MAGI2: variants seen among roughly 807,000 people sequenced by gnomAD.
The protein encoded by MAGI2 is membrane associated guanylate kinase, WW and PDZ domain containing 2.
A neutral mutation model predicts 133.3 loss-of-function variants in MAGI2; 35 were observed. The observed-to-expected ratio is 0.26, with a 90% confidence interval of 0.20 to 0.35. MAGI2 has a LOEUF of 0.35. MAGI2 is among the 10% of genes least tolerant of loss of function. MAGI2 has a pLI of 1.00. For missense variants in MAGI2, 1,636 were observed against 1,863.4 expected, an observed-to-expected ratio of 0.88 and a Z score of 2.25; for synonymous variants, 729 against 710.6, an observed-to-expected ratio of 1.03 and a Z score of -0.41.
At chr7:78,812,284 T>G (rs899558020) in intron 2 of MAGI2, among the ~76,000 whole-genome samples, 1 of 152,160 alleles carries the variant, frequency 6.6e-6, no homozygotes, top group African/African-American at 2.4e-5. Context: ...AGTAAAAAAC[T>G]AATACAGGTT....
chr7:78,670,836 C>G (rs1814290721), intron 2 of MAGI2, among the ~76,000 whole-genome samples: 1 of 152,076 alleles, frequency 6.6e-6, no homozygotes, highest in Non-Finnish European at 1.5e-5. Flanking sequence ...TAAGACTCAA[C>G]AAAAGCAGTA....
chr7:78,101,976 G>A (rs76207837), intron 20 of MAGI2, among the ~76,000 whole-genome samples: 1,596 of 152,218 alleles, frequency 0.01, 29 homozygotes, highest in African/African-American at 0.037. Flanking sequence ...ACATCAACAG[G>A]TGAATTTTTT....
At chr7:79,116,637 T>G (rs1819434584) in intron 1 of MAGI2, among the ~76,000 whole-genome samples, 1 of 152,156 alleles carries the variant, frequency 6.6e-6, no homozygotes, top group Non-Finnish European at 1.5e-5. Context: ...TGTTGAAAGA[T>G]GACTGCCAAT....
chr7:78,351,662 C>G (rs1355688485), intron 7 of MAGI2: 1 of 152,124 alleles, frequency 6.6e-6, no homozygotes, highest in Non-Finnish European at 1.5e-5. Context: ...CTGTTACCAA[C>G]TCCCATCTGA....
At chr7:78,325,254 A>G (rs1323341951) in intron 9 of MAGI2, among the ~76,000 whole-genome samples, 4 of 152,190 alleles carry the variant, frequency 2.6e-5, no homozygotes, top group Admixed American at 2.6e-4. Context: ...CAAAAAGGGA[A>G]TCATAAAACA....
At chr7:79,279,356 C>T (rs914942526) in intron 1 of MAGI2, among the ~76,000 whole-genome samples, 2 of 152,116 alleles carry the variant, frequency 1.3e-5, no homozygotes, top group Non-Finnish European at 2.9e-5. Context: ...GATTTTTATC[C>T]ATCACCCAAA....
At chr7:78,095,252 A>C (rs1817590049) in intron 20 of MAGI2, among the ~76,000 whole-genome samples, 1 of 152,130 alleles carries the variant, frequency 6.6e-6, no homozygotes, top group South Asian at 2.1e-4. Context: ...GAAGATAGTA[A>C]ATCTTTTTTG....
intron 2 of MAGI2, among the ~76,000 whole-genome samples, chr7:78,666,421 G>T (rs1813593774): frequency 6.6e-6 from 1 of 152,126 alleles, no homozygotes; most frequent in East Asian, 1.9e-4. Flanking sequence ...TTGTTTGGGG[G>T]TTTTTCTATT....
At position 78,019,406 on chromosome 7, in the gene MAGI2, T is replaced by G. The variant is rs1584845763; in HGVS notation, c.4277A>C (p.Lys1426Thr). 1 of 1,167,708 alleles carries G rather than the reference T, an allele frequency of 8.6e-7. No individual in the cohort carries two copies. 72.3% of individuals were successfully genotyped at this position (1,167,708 alleles called of 1,614,324 possible). A position where few individuals can be genotyped will look rare whatever the true frequency, so the allele number is the denominator to read the frequency against. ...CCAGGGCCCCGGCGCGACGGCGGCC[T>G]TGCGCGCCGGGGCGCCCCCCGGGGG... ...PRPPGGAPARKAAVAPGPWKV... is the reference protein window; with the variant it reads ...PRPPGGAPARTAAVAPGPWKV... Residue 1426 changes from lysine to threonine, a missense_variant, in exon 22 of 22, where the codon AAG (lysine) becomes ACG (threonine). Transcript: ENST00000354212.
chr7:79,248,017 T>TATTAATA lies in MAGI2; in HGVS notation c.301+204996_301+205002dup, dbSNP rs765517720. Among the ~76,000 whole-genome samples, 197 of 152,232 alleles carry TATTAATA rather than the reference T, an allele frequency of 1.3e-3. 1 individual carries two copies. Among genetic ancestry groups the TATTAATA allele is most frequent in the Non-Finnish European group, 1.5e-4 (10 of 68,004 alleles). The stretch of plus-strand genomic sequence containing the variant: ...AAAATGGCAGGAGTAAGTTCATACT[T>TATTAATA]ATTAATAATAACATTGAATGTAAAT... On this transcript the variant is annotated intron_variant, in intron 1 of 21. Coordinates refer to ENST00000354212, the MANE Select transcript of MAGI2 (RefSeq NM_012301.4).
intron 9 of MAGI2, among the ~76,000 whole-genome samples, chr7:78,288,785 A>G: frequency 6.6e-6 from 1 of 152,220 alleles, no homozygotes; most frequent in East Asian, 1.9e-4. Context: ...AACATCTGCC[A>G]TTCTGCAATA....
intron 1 of MAGI2, among the ~76,000 whole-genome samples, chr7:79,158,241 A>G (rs753839213): frequency 2.6e-5 from 4 of 152,070 alleles, no homozygotes; most frequent in Non-Finnish European, 5.9e-5. Flanking sequence ...ATGTACTTCT[A>G]TCAGCATGCC....
chr7:79,334,354 AGGTTGAG>A (rs1418969518), intron 1 of MAGI2, among the ~76,000 whole-genome samples: 1 of 152,180 alleles, frequency 6.6e-6, no homozygotes, highest in African/African-American at 2.4e-5. Context: ...TTTAGTTCTC[AGGTTGAG>A]AAATATCATT....
chr7:79,105,367 A>C (rs528256424), intron 1 of MAGI2, among the ~76,000 whole-genome samples: 2 of 152,128 alleles, frequency 1.3e-5, no homozygotes, highest in Non-Finnish European at 2.9e-5. Flanking sequence ...TATTAAACAG[A>C]TAGAAAAGGT....
At chr7:78,682,118 T>C (rs2151097374) in intron 2 of MAGI2, among the ~76,000 whole-genome samples, 1 of 152,296 alleles carries the variant, frequency 6.6e-6, no homozygotes, top group African/African-American at 2.4e-5. Flanking sequence ...TTTTAGTCTA[T>C]ATTTCTATCT....
intron 2 of MAGI2, chr7:78,946,760 CA>C: frequency 6.6e-6 from 1 of 152,080 alleles, no homozygotes; most frequent in East Asian, 1.9e-4. Context: ...TGACACAAAA[CA>C]AAATATTTGA....
rs141077933 is a variant in MAGI2 at position 78,060,320 on chromosome 7, T to C, written c.3706+18627A>G. On this transcript the variant is annotated intron_variant, in intron 21 of 21. Transcript: ENST00000354212. ...ACCAATCTTGTGGCTTCTACAACCA[T>C]CTAAATAAAAACCTGCATTGAAATT... Among the ~76,000 whole-genome samples the C allele has an allele frequency of 9.1e-4, 134 of 146,834 alleles. No homozygotes were observed. The Middle Eastern group carries it at 0.01, about 11-fold the overall frequency.
chr7:78,594,947 G>C (rs1804440963), intron 3 of MAGI2, among the ~76,000 whole-genome samples: 1 of 152,172 alleles, frequency 6.6e-6, no homozygotes, highest in African/African-American at 2.4e-5. Flanking sequence ...GATTAATTAT[G>C]TCTTTAGATG....
chr7:78,671,837 G>A (rs1814427989), intron 2 of MAGI2, among the ~76,000 whole-genome samples: 5 of 152,206 alleles, frequency 3.3e-5, no homozygotes, highest in Admixed American at 2.6e-4. Flanking sequence ...AGATTTAGAA[G>A]TATCTCTAGG....
Sources: allele counts gnomAD v4.1 joint callset (sites outside exome capture counted in the v4.1 genomes callset), GRCh38; gene constraint gnomAD v4.1.1; transcripts MANE v1.5; gene names NCBI Gene and HGNC (gene_info 2026-07-23, HGNC 2026-07-21).